Variants in SYNE2 observed in about 807,000 individuals in gnomAD.
SYNE2 encodes spectrin repeat containing nuclear envelope protein 2.
A neutral mutation model predicts 856.3 loss-of-function variants in SYNE2; 431 were observed. The ratio of observed to expected loss-of-function variants is 0.50; its 90% CI spans 0.47 to 0.55. SYNE2 has a LOEUF of 0.55. Ranked by LOEUF, SYNE2 falls within the 20% of genes least tolerant of loss-of-function variation. The pLI is 0.00. For synonymous variants in SYNE2, 2,923 were observed against 2,872.3 expected (o/e 1.02, Z -0.56); for missense variants, 8,129 against 8,023.2 (o/e 1.01, Z -0.50).
At chr14:64,071,701 C>G (rs2097409240) in intron 52 of SYNE2, among the ~76,000 whole-genome samples, 1 of 152,016 alleles carries the variant, frequency 6.6e-6, no homozygotes, top group Non-Finnish European at 1.5e-5. Context: ...TCTTCCTATG[C>G]CATTAAATGT....
intron 1 of SYNE2, among the ~76,000 whole-genome samples, chr14:63,900,339 T>G (rs1362513683): frequency 6.6e-6 from 1 of 152,176 alleles, no homozygotes; most frequent in Admixed American, 6.5e-5. Context: ...AGAGGTTTAA[T>G]GAACTTAAAC....
At chr14:64,216,648 G>A (rs576365855) in intron 108 of SYNE2, among the ~76,000 whole-genome samples, 6 of 152,254 alleles carry the variant, frequency 3.9e-5, no homozygotes, top group South Asian at 2.1e-4. Context: ...TATTACTGTC[G>A]AGTCAGGTGT....
rs777024441 is a variant in SYNE2 at position 64,119,516 on chromosome 14, T to C, written c.12930T>C (p.His4310=). The change falls in exon 67 of 116, where the codon CAT becomes CAC. Residue 4310 remains histidine (H), a synonymous_variant. Coordinates refer to ENST00000555002, the MANE Select transcript of SYNE2 (RefSeq NM_182914.3). ...QGLGDNGATQ[H]EAEALSLKLK... ...TGGGAGATAATGGAGCCACTCAACA[T>C]GAGGCTGAAGCGCTTTCCCTGAAAC... 1.9e-6 allele frequency: 3 copies of C among 1,614,220 alleles called. No individual in the cohort carries two copies. The highest frequency in any genetic ancestry group is 2.2e-5 in the South Asian group (2 of 91,082).
chr14:64,080,406 C>T (rs1162874294), intron 55 of SYNE2, 50 bp from the exon 56 acceptor site: 7 of 1,588,498 alleles, frequency 4.4e-6, no homozygotes, highest in Non-Finnish European at 6.0e-6. Flanking sequence ...GCATTGCCTC[C>T]ATAAACTATG....
intron 1 of SYNE2, among the ~76,000 whole-genome samples, chr14:63,801,256 C>T (rs1042388673): frequency 2.0e-5 from 3 of 152,090 alleles, no homozygotes; most frequent in African/African-American, 7.2e-5. Context: ...ACAACAAATA[C>T]GGTGCAGTGT....
At chr14:64,197,626 AT>A (rs2098546025) in intron 99 of SYNE2, among the ~76,000 whole-genome samples, 1 of 152,170 alleles carries the variant, frequency 6.6e-6, no homozygotes, top group Non-Finnish European at 1.5e-5. Context: ...AGGCATAGGA[AT>A]TTTTTTGTTC....
intron 45 of SYNE2, among the ~76,000 whole-genome samples, chr14:64,047,665 T>C (rs772798664): frequency 1.8e-4 from 28 of 152,242 alleles, no homozygotes; most frequent in Non-Finnish European, 3.5e-4. Context: ...TGCCTATTAT[T>C]TGCCCTGCCC....
chr14:63,802,083 G>T (rs1391450308), intron 1 of SYNE2, among the ~76,000 whole-genome samples: 3 of 150,708 alleles, frequency 2.0e-5, no homozygotes, highest in Non-Finnish European at 3.0e-5. Flanking sequence ...AAAAATAGAA[G>T]GAAAGGATAA....
At chr14:63,979,974 A>T (rs1015798817) in intron 14 of SYNE2, among the ~76,000 whole-genome samples, 53 of 152,324 alleles carry the variant, frequency 3.5e-4, no homozygotes, top group African/African-American at 1.1e-3. Flanking sequence ...GTAAAAATTT[A>T]AAAAAATGAT....
intron 66 of SYNE2, among the ~76,000 whole-genome samples, chr14:64,117,651 A>G (rs1036170276): frequency 3.9e-5 from 6 of 152,218 alleles, no homozygotes; most frequent in Admixed American, 3.3e-4. Flanking sequence ...TATTTTATAT[A>G]ATAACTTTAA....
Position 64,025,438 on chromosome 14 carries a change from T to C in SYNE2, c.6252+17T>C, listed in dbSNP as rs763669257. ...AAAATCAAGGTATAACTATGGAAAC[T>C]AAATTTCAGAAGTCTGAGTGAACTC... On this transcript the variant is annotated intron_variant, in intron 41 of 115. Coordinates refer to ENST00000555002, the MANE Select transcript of SYNE2 (RefSeq NM_182914.3). The C allele has an allele frequency of 1.2e-6, 2 of 1,607,808 alleles. No individual in the cohort carries two copies. Among genetic ancestry groups the C allele is most frequent in the Non-Finnish European group, 1.7e-6 (2 of 1,179,360 alleles).
chr14:64,083,476 A>G (rs1236368020), intron 57 of SYNE2, among the ~76,000 whole-genome samples: 1 of 151,938 alleles, frequency 6.6e-6, no homozygotes, highest in Admixed American at 6.6e-5. Flanking sequence ...ACTGATACAC[A>G]TGTAAAAATG....
In SYNE2 at chr14:63,866,821, A is replaced by G. The variant is rs373330215; in HGVS notation, c.-52+13678A>G. Among the ~76,000 whole-genome samples the G allele has an allele frequency of 1.5e-4, 23 of 152,244 alleles. No individual in the cohort carries two copies. The East Asian group carries it at 3.9e-3, about 26-fold the overall frequency. On this transcript the variant is annotated intron_variant, in intron 1 of 115. Transcript: ENST00000555002. Reference sequence around the variant, plus strand: ...ATCCCGTCTCTACAAAAAATTTAAAAATTAGCCAGGTGTGGTGGCACACAA... The same window carrying G: ...ATCCCGTCTCTACAAAAAATTTAAAGATTAGCCAGGTGTGGTGGCACACAA...
At chr14:64,093,045 G>A (rs138907086) in intron 60 of SYNE2, among the ~76,000 whole-genome samples, 16 of 147,950 alleles carry the variant, frequency 1.1e-4, no homozygotes, top group East Asian at 5.9e-4. Context: ...ATGTTAACAC[G>A]CCATAAAATG....
chr14:64,095,093 C>T (rs573600271), intron 61 of SYNE2: 110 of 170,256 alleles, frequency 6.5e-4, no homozygotes, highest in Non-Finnish European at 1.1e-3. Context: ...TGACAAAAAC[C>T]GCGATTACTT....
chr14:64,063,347 C>G (rs1365611073), intron 50 of SYNE2, among the ~76,000 whole-genome samples: 1 of 152,200 alleles, frequency 6.6e-6, no homozygotes, highest in Non-Finnish European at 1.5e-5. Context: ...TGCGCCTGGC[C>G]TTATGTAATA....
At chr14:64,110,976 C>CA (rs1016454382) in intron 65 of SYNE2, among the ~76,000 whole-genome samples, 68 of 151,444 alleles carry the variant, frequency 4.5e-4, no homozygotes, top group African/African-American at 5.8e-4. Flanking sequence ...AAATAACTAG[C>CA]AAAAAAAACC....
At chr14:64,129,307 C>CTAAA (rs750368504) in intron 74 of SYNE2, among the ~76,000 whole-genome samples, 114 of 152,144 alleles carry the variant, frequency 7.5e-4, no homozygotes, top group East Asian at 5.6e-3. Flanking sequence ...ACTTTTGTCT[C>CTAAA]TAAATAAATA....
intron 87 of SYNE2, among the ~76,000 whole-genome samples, chr14:64,161,217 C>T (rs141838332): frequency 1.3e-5 from 2 of 151,992 alleles, no homozygotes; most frequent in Non-Finnish European, 2.9e-5. Flanking sequence ...GTGGCATGCA[C>T]CTGTGGTCCT....
Sources: allele counts gnomAD v4.1 joint callset (sites outside exome capture counted in the v4.1 genomes callset), GRCh38; gene constraint gnomAD v4.1.1; transcripts MANE v1.5; gene names NCBI Gene and HGNC (gene_info 2026-07-23, HGNC 2026-07-21).